The following TRAPPC11 variants were observed in gnomAD, a reference collection of about 807,000 sequenced individuals.
The protein encoded by TRAPPC11 is trafficking protein particle complex subunit 11.
A neutral mutation model predicts 151.2 loss-of-function variants in TRAPPC11; 104 were observed. The observed-to-expected ratio is 0.69, with a 90% CI of 0.59 to 0.81. The LOEUF (loss-of-function observed/expected upper bound fraction) is 0.81, where lower values mean the gene tolerates loss of function less well. Among genes scored for constraint, TRAPPC11 ranks in the 30% least tolerant of loss-of-function variants. TRAPPC11 has a pLI of 0.00. For missense variants in TRAPPC11, 1,230 were observed against 1,349.6 expected (o/e 0.91, Z 1.39); for synonymous variants, 456 against 472.3 (o/e 0.97, Z 0.45).
chr4:183,708,533 C>T lies in TRAPPC11; in HGVS notation c.3316C>T (p.Gln1106Ter). 6.2e-7 allele frequency: 1 copy of T among 1,614,092 alleles called. No homozygotes were observed. The highest frequency in any genetic ancestry group is 8.5e-7 in the Non-Finnish European group (1 of 1,179,982). ...GCTTAGATTTCCTAACTTCACAAAT[C>T]AGCTGCTCAGGCGTTTTATACCTAC... ...NLLRFPNFTN[Q>*]LLRRFIPTSI... Residue 1106 changes from glutamine to a stop codon, truncating the protein, a stop_gained, in exon 29 of 30, where the codon CAG becomes TAG. Coordinates refer to ENST00000334690, the MANE Select transcript of TRAPPC11 (RefSeq NM_021942.6). LOFTEE classifies it high-confidence loss of function.
intron 8 of TRAPPC11, among the ~76,000 whole-genome samples, chr4:183,678,911 A>G (rs13138973): frequency 0.49 from 74,725 of 152,014 alleles, 18,970 homozygotes; most frequent in African/African-American, 0.62. Context: ...AAAATTTTCA[A>G]GAATTTCTGT....
chr4:183,694,187 A>G (rs1736410880), intron 22 of TRAPPC11, 149 bp downstream of exon 22: 1 of 856,988 alleles, frequency 1.2e-6, no homozygotes, highest in Non-Finnish European at 1.8e-6. Context: ...CACATTTTAC[A>G]TACGTAAATG....
intron 11 of TRAPPC11, chr4:183,683,718 A>G: frequency 2.1e-6 from 1 of 487,360 alleles, no homozygotes; most frequent in Non-Finnish European, 3.7e-6. Flanking sequence ...ATAGAGGATG[A>G]TATTGACATT....
At chr4:183,659,764 A>G (rs1303790095) in intron 1 of TRAPPC11, among the ~76,000 whole-genome samples, 5 of 152,102 alleles carry the variant, frequency 3.3e-5, no homozygotes, top group Non-Finnish European at 2.9e-5. Flanking sequence ...GTTGCTTCTC[A>G]TCTTTAACAT....
rs770556474 is a variant in TRAPPC11, at chr4:183,684,220, C to T, written c.1363C>T (p.Leu455=). 6.2e-7 allele frequency: 1 copy of T among 1,613,856 alleles called. No individual in the cohort carries two copies. Among genetic ancestry groups the T allele is most frequent in the Non-Finnish European group, 8.5e-7 (1 of 1,179,788 alleles). Reference sequence around the variant, plus strand: ...TAAGTGCCCGCGAATGAAAAGTCACCTAAGTATGTATCCACAAACGTCACC... The same window carrying T: ...TAAGTGCCCGCGAATGAAAAGTCACTTAAGTATGTATCCACAAACGTCACC... ...KYKCPRMKSH[L]MVQMGEEYYY... is the part of the protein sequence containing the mutation. The change falls in exon 13 of 30, where the codon CTA becomes TTA. Residue 455 remains leucine, a synonymous_variant. Coordinates refer to ENST00000334690, the MANE Select transcript of TRAPPC11 (RefSeq NM_021942.6).
intron 4 of TRAPPC11, among the ~76,000 whole-genome samples, chr4:183,667,431 T>A (rs1734941041): frequency 6.6e-6 from 1 of 152,124 alleles, no homozygotes; most frequent in Admixed American, 6.6e-5. Flanking sequence ...TACAAGAGTA[T>A]AATTTTTTTT....
chr4:183,699,409 G>A (rs1239918970), intron 25 of TRAPPC11, among the ~76,000 whole-genome samples: 3 of 152,062 alleles, frequency 2.0e-5, no homozygotes, highest in Non-Finnish European at 2.9e-5. Context: ...TTGCAATTTC[G>A]TATTTGTAAA....
Position 183,674,817 on chromosome 4 carries a change from G to T in TRAPPC11, c.660+5G>T, listed in dbSNP as rs770891745. On this transcript the variant is annotated splice_donor_5th_base_variant and intron_variant, in intron 6 of 29. Coordinates refer to ENST00000334690, the MANE Select transcript of TRAPPC11 (RefSeq NM_021942.6). Reference sequence around the variant, plus strand: ...TTGAATAAAACAACACACCAGGTGCGTGATTTTTTGCAATAATAGAAGCAT... The same window carrying T: ...TTGAATAAAACAACACACCAGGTGCTTGATTTTTTGCAATAATAGAAGCAT... The T allele has an allele frequency of 6.5e-7, 1 of 1,543,826 alleles. No individual in the cohort carries two copies. The highest frequency in any genetic ancestry group is 1.9e-5 in the Admixed American group (1 of 51,666).
Position 183,712,850 on chromosome 4 carries a change from C to T in TRAPPC11, c.*206C>T. 1 of 483,780 alleles carries T rather than the reference C, an allele frequency of 2.1e-6. No homozygotes were observed. Among genetic ancestry groups the T allele is most frequent in the East Asian group, 3.1e-5 (1 of 31,800 alleles). The allele number at this position is 483,780 out of a possible 1,614,324, so 30.0% of individuals were successfully genotyped here. On this transcript the variant is annotated 3_prime_UTR_variant, in exon 30 of 30. Transcript: ENST00000334690. ...AGTTTCTCTAATAAATATCTGAAATCTCAGTACGACATGAAAGAATGTCAG... is the reference window on the plus strand; with the variant it reads ...AGTTTCTCTAATAAATATCTGAAATTTCAGTACGACATGAAAGAATGTCAG...
chr4:183,694,811 A>AGGTATT, intron 23 of TRAPPC11, 88 bp downstream of exon 23: 1 of 1,148,986 alleles, frequency 8.7e-7, no homozygotes, highest in African/African-American at 1.6e-5. Flanking sequence ...ATAAGCATAA[A>AGGTATT]ATAAGCAGTT....
At chr4:183,683,550 T>C (rs1735804209) in intron 11 of TRAPPC11, among the ~76,000 whole-genome samples, 1 of 151,982 alleles carries the variant, frequency 6.6e-6, no homozygotes, top group Non-Finnish European at 1.5e-5. Flanking sequence ...TAGTCCCAGC[T>C]ACTTGGGAGG....
intron 27 of TRAPPC11, among the ~76,000 whole-genome samples, chr4:183,706,442 G>A (rs1002759394): frequency 6.6e-6 from 1 of 151,652 alleles, no homozygotes; most frequent in Non-Finnish European, 1.5e-5. Context: ...ACAATGGCGT[G>A]AACCCGGGAG....
rs62357991 is a variant in TRAPPC11 at position 183,679,956 on chromosome 4, G to T, written c.966-164G>T. Among the ~76,000 whole-genome samples, 43,734 of 151,908 alleles carry T rather than the reference G, an allele frequency of 0.29. 6,564 individuals are homozygous for T. Among genetic ancestry groups the T allele is most frequent in the African/African-American group, 0.38 (15,659 of 41,406 alleles). ...AGAACCTATCTGTAACCTACAGTTA[G>T]TGTGTATTAATATTTACAAAGAAAT... On this transcript the variant is annotated intron_variant, in intron 9 of 29. Coordinates refer to ENST00000334690, the MANE Select transcript of TRAPPC11 (RefSeq NM_021942.6).
Position 183,713,065 on chromosome 4 carries a change from T to C in TRAPPC11, c.*421T>C, listed in dbSNP as rs1373470471. 1.8e-5 allele frequency: 3 copies of C among 170,836 alleles called. No individual in the cohort carries two copies. Among genetic ancestry groups the C allele is most frequent in the Admixed American group, 6.1e-5 (1 of 16,488 alleles). The allele number at this position is 170,836 out of a possible 1,614,324, so 10.6% of individuals were successfully genotyped here. On this transcript the variant is annotated 3_prime_UTR_variant, in exon 30 of 30. Coordinates refer to ENST00000334690, the MANE Select transcript of TRAPPC11 (RefSeq NM_021942.6). ...CTTTCAGAGCTGGCCAGACCGGAAA[T>C]AAATCATTCTCATAAATTCAGTGTG... is the stretch of plus-strand genomic sequence containing the variant.
chr4:183,684,212 A>G lies in TRAPPC11; in HGVS notation c.1355A>G (p.Lys452Arg), dbSNP rs1358498325. 3.7e-6 allele frequency: 6 copies of G among 1,613,918 alleles called. No homozygotes were observed. Residue 452 changes from lysine to arginine, a missense_variant, in exon 13 of 30, where the codon AAA becomes AGA. Transcript: ENST00000334690. ...QFKKYKCPRM[K>R]SHLMVQMGEE... ...AAGAAGTATAAGTGCCCGCGAATGA[A>G]AAGTCACCTAAGTATGTATCCACAA...
At chr4:183,701,365 C>T (rs1736790661) in intron 25 of TRAPPC11, 1 of 186,546 alleles carries the variant, frequency 5.4e-6, no homozygotes, top group Non-Finnish European at 1.1e-5. Context: ...ACTTTGGAGG[C>T]ATGAAATAAT....
Position 183,686,562 on chromosome 4 carries a change from G to A in TRAPPC11, c.1763-56G>A, listed in dbSNP as rs1030703032. On this transcript the variant is annotated intron_variant, in intron 17 of 29. Transcript: ENST00000334690. ...AGAATCAATTTGGTTAACAGGATGT[G>A]TGTGGGTCGTGGGTATCTGGTTGTG... 9 of 1,592,348 alleles carry A rather than the reference G, an allele frequency of 5.7e-6. No homozygotes were observed. The African/African-American group carries it at 9.4e-5, about 17-fold the overall frequency.
intron 18 of TRAPPC11, among the ~76,000 whole-genome samples, chr4:183,689,435 A>T (rs1398331581): frequency 1.3e-5 from 2 of 151,944 alleles, no homozygotes; most frequent in African/African-American, 4.8e-5. Context: ...GACTTACATG[A>T]CTGAATCACT....
Position 183,692,877 on chromosome 4 carries a change from G to C in TRAPPC11, c.2050-83G>C, listed in dbSNP as rs141911398. 7.0e-6 allele frequency: 9 copies of C among 1,294,790 alleles called. No individual in the cohort carries two copies. The South Asian group carries it at 1.2e-4, about 17-fold the overall frequency. 80.2% of individuals were successfully genotyped at this position (1,294,790 alleles called of 1,614,324 possible). A position where few individuals can be genotyped will look rare whatever the true frequency, so the allele number is the denominator to read the frequency against. On this transcript the variant is annotated intron_variant, in intron 19 of 29. Coordinates refer to ENST00000334690, the MANE Select transcript of TRAPPC11 (RefSeq NM_021942.6). ...CTAGATGAACTCCATGGTCTTAGCA[G>C]TCGACGATGTAATTTTGGTGAGAGG...
Sources: allele counts gnomAD v4.1 joint callset (sites outside exome capture counted in the v4.1 genomes callset), GRCh38; gene constraint gnomAD v4.1.1; transcripts MANE v1.5; gene names NCBI Gene and HGNC (gene_info 2026-07-23, HGNC 2026-07-21).